CFAP65: variants seen among roughly 807,000 people sequenced by gnomAD.
The protein encoded by CFAP65 is cilia and flagella associated protein 65, also known as cilia- and flagella-associated protein 65.
In CFAP65, 155 loss-of-function variants were observed where a neutral mutation model predicts 208.0. That is an observed-to-expected ratio of 0.75 (90% confidence interval 0.65 to 0.85). The LOEUF is 0.85. Ranked by LOEUF, CFAP65 falls within the 40% of genes least tolerant of loss-of-function variation. The pLI is 0.00. For missense variants in CFAP65, 2,294 were observed against 2,451.3 expected (o/e 0.94, Z 1.36); for synonymous variants, 970 against 986.3 (o/e 0.98, Z 0.31).
Position 219,027,861 on chromosome 2 carries a change from T to C in CFAP65, c.2000A>G (p.Glu667Gly), listed in dbSNP as rs1183681687. 7.6e-6 allele frequency: 12 copies of C among 1,577,082 alleles called. No individual in the cohort carries two copies. The Admixed American group carries it at 2.1e-4, about 27-fold the overall frequency. Residue 667 changes from glutamate (E) to glycine (G), a missense_variant, in exon 13 of 35, where the codon GAG becomes GGG. Transcript: ENST00000341552. ...EVDFGACPGP[E>G]APNPVPLCLM... Reference sequence around the variant, plus strand: ...GCACAGGGGTACAGGGTTGGGGGCCTCAGGCCCTGGGCAGGCACCGAAGTC... The same window carrying C: ...GCACAGGGGTACAGGGTTGGGGGCCCCAGGCCCTGGGCAGGCACCGAAGTC...
intron 21 of CFAP65, among the ~76,000 whole-genome samples, chr2:219,017,200 A>G (rs963056170): frequency 6.6e-6 from 1 of 152,268 alleles, no homozygotes; most frequent in African/African-American, 2.4e-5. Flanking sequence ...CCAATGAATT[A>G]AAGACTGGAT....
chr2:219,031,501 A>G lies in CFAP65; in HGVS notation c.803T>C (p.Leu268Pro), dbSNP rs1304939596. The G allele has an allele frequency of 6.2e-7, 1 of 1,614,032 alleles. No individual in the cohort carries two copies. Among genetic ancestry groups the G allele is most frequent in the African/African-American group, 1.3e-5 (1 of 74,914 alleles). ...VGDTTEAFFC[L>P]DNVGDLPTFF... ...GCCTCTTCCTCACCCCACATTATCC[A>G]GGCAGAAAAAGGCCTCAGTCGTATC... The change falls in exon 7 of 35, where the codon CTG becomes CCG. Residue 268 changes from leucine (L) to proline (P), a missense_variant. Leu to Pro is a moderately conservative substitution (Grantham distance 98). Coordinates refer to ENST00000341552, the MANE Select transcript of CFAP65 (RefSeq NM_194302.4). The surrounding 1 kb of genome is among the most constrained non-coding windows in gnomAD (Gnocchi z 5.2).
chr2:219,027,514 C>T (rs760415017), intron 13 of CFAP65, 136 bp downstream of exon 13: 2 of 1,606,112 alleles, frequency 1.2e-6, no homozygotes, highest in Non-Finnish European at 1.7e-6. Context: ...ATAGGGGTCA[C>T]TGTCCAGCCA....
At chr2:219,012,165 T>G (rs184263624) in intron 24 of CFAP65, among the ~76,000 whole-genome samples, 1 of 152,332 alleles carries the variant, frequency 6.6e-6, no homozygotes, top group South Asian at 2.1e-4. Context: ...TATAATAAAT[T>G]TGTGGTCTTT....
At chr2:219,038,736 C>G in intron 3 of CFAP65, 158 bp from the exon 4 acceptor site, 2 of 1,103,608 alleles carry the variant, frequency 1.8e-6, no homozygotes, top group Non-Finnish European at 2.7e-6. Context: ...AGGCTGTACA[C>G]GAGATCCAGG....
At chr2:219,009,509 G>T in intron 27 of CFAP65, 49 bp from the exon 28 acceptor site, 2 of 1,285,120 alleles carry the variant, frequency 1.6e-6, no homozygotes, top group Non-Finnish European at 2.3e-6. Flanking sequence ...GATGGAATTG[G>T]ATAGGATGGC....
chr2:219,021,229 G>A lies in CFAP65; in HGVS notation c.3182C>T (p.Thr1061Ile). ...EGSMPPRSQD[T>I]ICLTACPKQR... ...CTTGGGACAGGCAGTCAGGCAGATG[G>A]TGTCCTGGGACCGGGGTGGCATGCT... Residue 1061 changes from threonine to isoleucine, a missense_variant, in exon 19 of 35, where the codon ACC (threonine) becomes ATC (isoleucine). Coordinates refer to ENST00000341552, the MANE Select transcript of CFAP65 (RefSeq NM_194302.4). 6.2e-7 allele frequency: 1 copy of A among 1,608,686 alleles called. No homozygotes were observed.
chr2:219,013,422 C>T, intron 23 of CFAP65, 53 bp from the exon 24 acceptor site: 3 of 1,531,544 alleles, frequency 2.0e-6, no homozygotes, highest in Non-Finnish European at 2.7e-6. Context: ...GAGATCTGGA[C>T]CCCAGTTCCC....
Position 219,040,502 on chromosome 2 carries a change from G to C in CFAP65, c.-3+17C>G. The C allele has an allele frequency of 3.0e-6, 4 of 1,320,280 alleles. No individual in the cohort carries two copies. Among genetic ancestry groups the C allele is most frequent in the Non-Finnish European group, 4.3e-6 (4 of 936,282 alleles). 81.8% of individuals were successfully genotyped at this position (1,320,280 alleles called of 1,614,324 possible). A position where few individuals can be genotyped will look rare whatever the true frequency, so the allele number is the denominator to read the frequency against. On this transcript the variant is annotated intron_variant, in intron 2 of 34. Transcript: ENST00000341552. ...GGTACTGTGCTAGGCACCAGACAAG[G>C]CAGGCAAGGCTCCTACCTCCAATTG...
intron 21 of CFAP65, chr2:219,015,672 T>A (rs761075931): frequency 6.6e-6 from 1 of 151,924 alleles, no homozygotes; most frequent in Non-Finnish European, 1.5e-5. Flanking sequence ...GGGAAACCAA[T>A]TCATAGGAAT....
chr2:219,027,504 A>G, intron 13 of CFAP65, 146 bp downstream of exon 13: 1 of 1,599,314 alleles, frequency 6.3e-7, no homozygotes, highest in Non-Finnish European at 8.5e-7. Context: ...AGACAAACTC[A>G]TAGGGGTCAC....
chr2:219,027,993 GGCATGTCCTCCA>G lies in CFAP65; in HGVS notation c.1856_1867del (p.Leu619_Met622del). 6.6e-7 allele frequency: 1 copy of G among 1,517,272 alleles called. No homozygotes were observed. The highest frequency in any genetic ancestry group is 8.8e-7 in the Non-Finnish European group (1 of 1,134,484). 94.0% of individuals were successfully genotyped at this position (1,517,272 alleles called of 1,614,324 possible). The stretch of plus-strand genomic sequence containing the variant: ...GGGGATATAAGGGTACTGCGGGGCC[GGCATGTCCTCCA>G]GATCCTGCATGGGGAAAGACAGGTG... On this transcript the variant is annotated inframe_deletion, in exon 13 of 35. Transcript: ENST00000341552.
chr2:219,028,167 G>C (rs1382503065), intron 12 of CFAP65, 34 bp downstream of exon 12: 1 of 1,608,728 alleles, frequency 6.2e-7, no homozygotes, highest in African/African-American at 1.3e-5. Flanking sequence ...AGAATCACTA[G>C]AGAAGGGATA....
At chr2:219,027,410 C>A in intron 13 of CFAP65, 1 of 1,492,818 alleles carries the variant, frequency 6.7e-7, no homozygotes, top group Non-Finnish European at 9.0e-7. Flanking sequence ...TTGATCTCAG[C>A]TGAGTTCTCC....
At chr2:219,029,827 A>G in intron 10 of CFAP65, 159 bp from the exon 11 acceptor site, 1 of 1,143,378 alleles carries the variant, frequency 8.7e-7, no homozygotes, top group Non-Finnish European at 1.2e-6. Context: ...TGGGATCTCC[A>G]GGTAGTCACG....
chr2:219,025,671 C>T (rs1012858953), intron 14 of CFAP65, among the ~76,000 whole-genome samples: 1 of 152,128 alleles, frequency 6.6e-6, no homozygotes, highest in Non-Finnish European at 1.5e-5. Flanking sequence ...ATCCCTGGGC[C>T]CGAGCCCAGG....
chr2:219,041,056 T>C (rs554728996), intron 1 of CFAP65, among the ~76,000 whole-genome samples: 2 of 152,382 alleles, frequency 1.3e-5, no homozygotes, highest in Admixed American at 1.3e-4. Context: ...GCAGTCGTTG[T>C]GAAGAGACTG....
intron 2 of CFAP65, 51 bp downstream of exon 2, chr2:219,040,468 T>G (rs1948599741): frequency 1.1e-6 from 1 of 943,942 alleles, no homozygotes; most frequent in Non-Finnish European, 1.7e-6. Flanking sequence ...CACTTACTAT[T>G]ATGTACCAGG....
At chr2:219,025,911 G>A in intron 14 of CFAP65, 111 bp downstream of exon 14, 1 of 1,353,718 alleles carries the variant, frequency 7.4e-7, no homozygotes, top group East Asian at 2.4e-5. Context: ...GCCAGGGAGG[G>A]TGCAAAGATG....
Sources: allele counts gnomAD v4.1 joint callset (sites outside exome capture counted in the v4.1 genomes callset), GRCh38; gene constraint gnomAD v4.1.1; non-coding constraint Gnocchi (gnomAD v3.1); transcripts MANE v1.5; gene names NCBI Gene and HGNC (gene_info 2026-07-23, HGNC 2026-07-21).